The following STARD9 variants were observed in gnomAD, a reference collection of about 807,000 sequenced individuals.
STARD9 encodes the protein stAR-related lipid transfer protein 9.
STARD9 carries 346 observed loss-of-function variants against 399.8 expected under a neutral mutation model. The observed-to-expected ratio is 0.87, with a 90% CI of 0.79 to 0.95. STARD9 has a LOEUF of 0.95. Among genes scored for constraint, STARD9 ranks in the 40% least tolerant of loss-of-function variants. The pLI, the probability that STARD9 is intolerant of heterozygous loss-of-function variation, is 0.00. For synonymous variants in STARD9, 2,203 were observed against 2,143.5 expected (o/e 1.03, Z -0.77); for missense variants, 5,832 against 5,667.5 (o/e 1.03, Z -0.93).
rs1595794821 is a variant in STARD9 at position 42,695,251 on chromosome 15, A to G, written c.13074A>G (p.Arg4358=). 6.5e-7 allele frequency: 1 copy of G among 1,537,214 alleles called. No individual in the cohort carries two copies. The highest frequency in any genetic ancestry group is 1.2e-5 in the South Asian group (1 of 84,052). ...EEAKVEIARA[R]DQLRERTEQE... is the part of the protein sequence containing the mutation. ...CCAAGGTGGAGATTGCCCGGGCCCGAGACCAACTGCGGGAGCGGACTGAAC... is the reference window on the plus strand; with the variant it reads ...CCAAGGTGGAGATTGCCCGGGCCCGGGACCAACTGCGGGAGCGGACTGAAC... Residue 4358 remains arginine, a synonymous_variant, in exon 25 of 33, where the codon CGA becomes CGG. Coordinates refer to ENST00000290607, the MANE Select transcript of STARD9 (RefSeq NM_020759.3).
chr15:42,709,284 C>T (rs1208919173), intron 26 of STARD9, among the ~76,000 whole-genome samples: 1 of 152,126 alleles, frequency 6.6e-6, no homozygotes, highest in Non-Finnish European at 1.5e-5. Context: ...GTCCCAGCTA[C>T]TTGGGAGGCT....
rs1048422928 is a variant in STARD9, at chr15:42,692,722, C to A, written c.11144C>A (p.Pro3715Gln). The change falls in exon 23 of 33, where the codon CCA becomes CAA. Residue 3715 changes from proline (P) to glutamine (Q), a missense_variant. By Grantham distance (76) the Pro-to-Gln change is moderately conservative. Coordinates refer to ENST00000290607, the MANE Select transcript of STARD9 (RefSeq NM_020759.3). ...GAGCAGAACACCAAGAGGGACATCC[C>A]AGATAAAGCCCCACAGGCCCTGATG... ...RREQNTKRDI[P>Q]DKAPQALMMD... is the part of the protein sequence containing the mutation. 10 of 1,537,014 alleles carry A rather than the reference C, an allele frequency of 6.5e-6. No homozygotes were observed. In the East Asian group the frequency reaches 2.4e-4, roughly 38 times the overall value.
At chr15:42,706,116 A>C (rs1248416691) in intron 26 of STARD9, among the ~76,000 whole-genome samples, 1 of 152,190 alleles carries the variant, frequency 6.6e-6, no homozygotes, top group Non-Finnish European at 1.5e-5. Flanking sequence ...AGAACTTGTT[A>C]CTATTTTTAA....
intron 9 of STARD9, among the ~76,000 whole-genome samples, chr15:42,657,491 A>T (rs2059900965): frequency 6.6e-6 from 1 of 152,234 alleles, no homozygotes; most frequent in Non-Finnish European, 1.5e-5. Context: ...AAACCTCAAA[A>T]TACATGAAAA....
At chr15:42,702,013 AAAAG>A (rs2060975256) in intron 26 of STARD9, among the ~76,000 whole-genome samples, 1 of 151,346 alleles carries the variant, frequency 6.6e-6, no homozygotes, top group South Asian at 2.1e-4. Context: ...AAAAAAAAAA[AAAAG>A]CTGAATGCAT....
At position 42,688,938 on chromosome 15, in the gene STARD9, C is replaced by T; in HGVS notation, c.7360C>T (p.Leu2454=). 6.5e-7 allele frequency: 1 copy of T among 1,537,396 alleles called. No individual in the cohort carries two copies. Among genetic ancestry groups the T allele is most frequent in the Non-Finnish European group, 8.7e-7 (1 of 1,146,940 alleles). Residue 2454 remains leucine (L), a synonymous_variant, in exon 23 of 33, where the codon CTG becomes TTG. Transcript: ENST00000290607. ...TGGAAAGGACCTCAGAATCACCTTG[C>T]TGGGTTTCAGTACCAGTGAAGATTT... ...DHGKDLRITL[L]GFSTSEDFAS...
chr15:42,627,897 A>G (rs1263301596), intron 3 of STARD9, among the ~76,000 whole-genome samples: 5 of 152,228 alleles, frequency 3.3e-5, no homozygotes, highest in Admixed American at 2.0e-4. Flanking sequence ...ATGGGAGTGC[A>G]GATACCTTTT....
chr15:42,669,146 A>G lies in STARD9; in HGVS notation c.1318-12A>G, dbSNP rs1447509410. 8 of 1,526,224 alleles carry G rather than the reference A, an allele frequency of 5.2e-6. No individual in the cohort carries two copies. Among genetic ancestry groups the G allele is most frequent in the Non-Finnish European group, 7.0e-6 (8 of 1,137,808 alleles). 94.5% of individuals were successfully genotyped at this position (1,526,224 alleles called of 1,614,324 possible). A position where few individuals can be genotyped will look rare whatever the true frequency, so the allele number is the denominator to read the frequency against. ...TGCTGAGTGTCTCAGATCACCTCCT[A>G]TACCTCTGCAGATAGACCAGCTGAC... On this transcript the variant is annotated splice_polypyrimidine_tract_variant and intron_variant, in intron 15 of 32. Transcript: ENST00000290607.
chr15:42,591,363 C>T (rs901149309), intron 3 of STARD9, among the ~76,000 whole-genome samples: 6 of 152,088 alleles, frequency 3.9e-5, no homozygotes, highest in African/African-American at 1.2e-4. Flanking sequence ...TGGTGCATGC[C>T]TGTAATCCGA....
At position 42,686,792 on chromosome 15, in the gene STARD9, C is replaced by T. The variant is rs1173892404; in HGVS notation, c.5214C>T (p.Ser1738=). Residue 1738 remains serine, a synonymous_variant, in exon 23 of 33, where the codon TCC becomes TCT. Transcript: ENST00000290607. The part of the protein sequence containing the change: ...HSAPWNPLSS[S]LQPPLLETFY... ...CTCCCTGGAATCCATTGTCATCTTC[C>T]CTGCAGCCCCCACTCTTGGAAACAT... The T allele has an allele frequency of 6.5e-7, 1 of 1,537,222 alleles. No homozygotes were observed. Among genetic ancestry groups the T allele is most frequent in the East Asian group, 2.4e-5 (1 of 40,918 alleles).
chr15:42,669,092 A>G, intron 15 of STARD9, 66 bp from the exon 16 acceptor site: 2 of 1,342,358 alleles, frequency 1.5e-6, no homozygotes. Context: ...ATAGATTGTA[A>G]TGACTTCTGA....
At chr15:42,676,011 C>G in intron 20 of STARD9, 36 bp downstream of exon 20, 3 of 715,488 alleles carry the variant, frequency 4.2e-6, no homozygotes, top group Non-Finnish European at 6.2e-6. Context: ...GTGGAACCTA[C>G]TGGGTTCGCT....
chr15:42,688,725 C>T lies in STARD9; in HGVS notation c.7147C>T (p.Gln2383Ter), dbSNP rs1487680943. 4 of 1,537,710 alleles carry T rather than the reference C, an allele frequency of 2.6e-6. No homozygotes were observed. In the South Asian group the frequency reaches 3.6e-5, roughly 14 times the overall value. Residue 2383 changes from glutamine to a stop codon, truncating the protein, a stop_gained, in exon 23 of 33, where the codon CAG (glutamine) becomes TAG (stop). Coordinates refer to ENST00000290607, the MANE Select transcript of STARD9 (RefSeq NM_020759.3). LOFTEE classifies it high-confidence loss of function. ...PLVTGVEHQDQSTETRSHSPE... is the reference protein window; with the variant it reads ...PLVTGVEHQD Reference sequence around the variant, plus strand: ...GGTAACTGGAGTAGAGCATCAGGACCAGAGTACGGAGACCAGAAGCCACAG... The same window carrying T: ...GGTAACTGGAGTAGAGCATCAGGACTAGAGTACGGAGACCAGAAGCCACAG...
intron 24 of STARD9, among the ~76,000 whole-genome samples, 171 bp from the exon 25 acceptor site, chr15:42,694,969 T>A (rs1040383567): frequency 6.6e-6 from 1 of 152,050 alleles, no homozygotes; most frequent in African/African-American, 2.4e-5. Flanking sequence ...GTGGCTTGGT[T>A]CTCTCTGTCC....
At chr15:42,667,775 G>A (rs1053441511) in intron 15 of STARD9, among the ~76,000 whole-genome samples, 5 of 152,128 alleles carry the variant, frequency 3.3e-5, no homozygotes, top group South Asian at 4.1e-4. Flanking sequence ...CACCACACCC[G>A]GCAGACAGGT....
intron 3 of STARD9, among the ~76,000 whole-genome samples, chr15:42,587,343 A>G (rs906126805): frequency 6.6e-6 from 1 of 152,198 alleles, no homozygotes; most frequent in African/African-American, 2.4e-5. Context: ...AAAGGAACAC[A>G]CAGAAATAAG....
chr15:42,590,843 A>C (rs1427651230), intron 3 of STARD9, among the ~76,000 whole-genome samples: 1 of 152,114 alleles, frequency 6.6e-6, no homozygotes, highest in Non-Finnish European at 1.5e-5. Flanking sequence ...GAACGCACTC[A>C]TTACTGTGGG....
At chr15:42,676,981 G>A (rs929766780) in intron 20 of STARD9, among the ~76,000 whole-genome samples, 16 of 151,696 alleles carry the variant, frequency 1.1e-4, no homozygotes, top group Admixed American at 5.9e-4. Flanking sequence ...GGCTGGGCAC[G>A]GTGGCTCCTG....
Position 42,692,311 on chromosome 15 carries a change from T to C in STARD9, c.10733T>C (p.Val3578Ala), listed in dbSNP as rs1398224096. Residue 3578 changes from valine (V) to alanine (A), a missense_variant, in exon 23 of 33, where the codon GTA becomes GCA. Val to Ala is a moderately conservative substitution (Grantham distance 64). Around this residue, in one of 2 missense-constraint regions of STARD9, gnomAD observed 5,828 missense variants for 5,651.1 expected, o/e 1.03. Transcript: ENST00000290607. ...CACATCCCGACGAGCCCTGAAGGAG[T>C]AGCCCCCACTTCGGGTCATGACAGA... Reference protein sequence around the residue: ...DPHIPTSPEGVAPTSGHDRRP... With the variant: ...DPHIPTSPEGAAPTSGHDRRP... 6.5e-7 allele frequency: 1 copy of C among 1,536,530 alleles called. No individual in the cohort carries two copies.
Sources: gnomAD v4.1 joint callset for allele counts (sites outside exome capture counted in the v4.1 genomes callset) on GRCh38, gnomAD v4.1.1 for gene constraint, gnomAD v4.1.1 regional missense constraint, MANE v1.5 for transcripts, NCBI Gene and HGNC (gene_info 2026-07-23, HGNC 2026-07-21) for gene names.